The following PDE4D variants were observed in gnomAD, a reference collection of about 807,000 sequenced individuals.
PDE4D encodes 3',5'-cyclic-AMP phosphodiesterase 4D.
PDE4D carries 24 observed loss-of-function variants against 87.4 expected under a neutral mutation model. The observed-to-expected ratio is 0.27, with a 90% CI of 0.20 to 0.39. The LOEUF (loss-of-function observed/expected upper bound fraction) is 0.39. Among genes scored for constraint, PDE4D ranks in the 10% least tolerant of loss-of-function variants. PDE4D has a pLI of 1.00. For missense variants in PDE4D, 714 were observed against 1,041.0 expected, an observed-to-expected ratio of 0.69 and a Z score of 4.32; for synonymous variants, 384 against 383.2, an observed-to-expected ratio of 1.00 and a Z score of -0.02.
At position 59,220,377 on chromosome 5, in the gene PDE4D, C is replaced by CAAAAAAAAA. The variant is rs57610513; in HGVS notation, c.456-4418_456-4410dup. Among the ~76,000 whole-genome samples the CAAAAAAAAA allele has an allele frequency of 3.0e-4, 11 of 36,154 alleles. No individual in the cohort carries two copies. In the East Asian group the frequency reaches 7.3e-3, roughly 24 times the overall value. The allele number at this position is 36,154 out of a possible 152,430, so 23.7% of individuals were successfully genotyped here. A position where few individuals can be genotyped will look rare whatever the true frequency, so the allele number is the denominator to read the frequency against. Reference sequence around the variant, plus strand: ...TAGGCGACAGAGCATGACTCTGTCTCAAAAAAAAAAAAAAAAAAAAAAAAA... The same window carrying CAAAAAAAAA: ...TAGGCGACAGAGCATGACTCTGTCTCAAAAAAAAAAAAAAAAAAAAAAAAAAAAAAAAAA... On this transcript the variant is annotated intron_variant, in intron 1 of 14. Coordinates refer to ENST00000340635, the MANE Select transcript of PDE4D (RefSeq NM_001104631.2).
chr5:59,671,096 T>A (rs982667301), intron 1 of PDE4D, among the ~76,000 whole-genome samples: 1 of 152,244 alleles, frequency 6.6e-6, no homozygotes, highest in Non-Finnish European at 1.5e-5. Flanking sequence ...TTATTTAGCC[T>A]GGCAACTGCA....
At chr5:59,172,001 TAATA>T (rs1313370706) in intron 5 of PDE4D, among the ~76,000 whole-genome samples, 2 of 72,836 alleles carry the variant, frequency 2.7e-5, no homozygotes, top group South Asian at 3.8e-4. Context: ...ATTATATATA[TAATA>T]AATATATATT....
intron 1 of PDE4D, among the ~76,000 whole-genome samples, chr5:59,371,716 A>T (rs141484539): frequency 1.3e-5 from 2 of 152,218 alleles, no homozygotes; most frequent in Non-Finnish European, 2.9e-5. Context: ...TTAGAAAAAG[A>T]TAAGTTTCGG....
At chr5:60,401,471 G>T (rs1741078701) in intron 1 of PDE4D, among the ~76,000 whole-genome samples, 1 of 152,202 alleles carries the variant, frequency 6.6e-6, no homozygotes, top group South Asian at 2.1e-4. Context: ...TCTCTGGAGT[G>T]TGCACACCCT....
intron 6 of PDE4D, among the ~76,000 whole-genome samples, chr5:59,015,142 A>G (rs974477445): frequency 6.6e-6 from 1 of 152,364 alleles, no homozygotes. Context: ...TTAAAGACTT[A>G]CATGTTAGTC....
intron 1 of PDE4D, among the ~76,000 whole-genome samples, chr5:59,719,131 C>T (rs139606086): frequency 3.3e-5 from 5 of 151,972 alleles, no homozygotes; most frequent in African/African-American, 1.2e-4. Flanking sequence ...AAATGAATTT[C>T]TACCCCAAAA....
At chr5:59,815,504 C>G (rs145029900) in intron 1 of PDE4D, among the ~76,000 whole-genome samples, 1 of 152,172 alleles carries the variant, frequency 6.6e-6, no homozygotes, top group African/African-American at 2.4e-5. Flanking sequence ...TACTTAACTT[C>G]GCTCTTCCTC....
rs772296200 is a variant in PDE4D, at chr5:58,977,193, T to C, written c.1705A>G (p.Ile569Val). The change falls in exon 12 of 15, where the codon ATC becomes GTC. Residue 569 changes from isoleucine to valine, a missense_variant and splice_region_variant. Ile to Val is a conservative substitution (Grantham distance 29, BLOSUM62 3). This residue lies in a region of PDE4D where 26 missense variants were observed against 96.9 expected (regional missense o/e 0.27). Coordinates refer to ENST00000340635, the MANE Select transcript of PDE4D (RefSeq NM_001104631.2). ...RQSLRKMVIDIVLATDMSKHM... is the reference protein window; with the variant it reads ...RQSLRKMVIDVVLATDMSKHM... ...TTTGGCTTTTATCAGCTACTTACGATGTCAATGACCATTTTCCTTAAAGAT... is the reference window on the plus strand; with the variant it reads ...TTTGGCTTTTATCAGCTACTTACGACGTCAATGACCATTTTCCTTAAAGAT... 18 of 1,606,210 alleles carry C rather than the reference T, an allele frequency of 1.1e-5. No homozygotes were observed. The highest frequency in any genetic ancestry group is 2.2e-5 in the South Asian group (2 of 89,820).
At chr5:60,136,587 A>G (rs971347413) in intron 2 of PDE4D, among the ~76,000 whole-genome samples, 1 of 152,010 alleles carries the variant, frequency 6.6e-6, no homozygotes, top group Non-Finnish European at 1.5e-5. Flanking sequence ...AGTGCTGGGT[A>G]TCATGTTATT....
intron 1 of PDE4D, among the ~76,000 whole-genome samples, chr5:60,286,728 G>A (rs1031681382): frequency 2.2e-4 from 34 of 152,244 alleles, no homozygotes; most frequent in African/African-American, 5.8e-4. Flanking sequence ...AGAAGCCTCC[G>A]AAACAATCTC....
chr5:60,180,543 A>C (rs1425698948), intron 2 of PDE4D, among the ~76,000 whole-genome samples: 2 of 152,144 alleles, frequency 1.3e-5, no homozygotes, highest in African/African-American at 4.8e-5. Context: ...AGGGTGGTGA[A>C]ATAATTTTAA....
intron 1 of PDE4D, among the ~76,000 whole-genome samples, chr5:60,475,637 T>C (rs983600122): frequency 2.0e-5 from 3 of 152,086 alleles, no homozygotes; most frequent in African/African-American, 7.2e-5. Context: ...TTAGCAAGTA[T>C]TGATTAATGT....
chr5:59,959,536 G>A (rs780315642), intron 3 of PDE4D, among the ~76,000 whole-genome samples: 9 of 152,060 alleles, frequency 5.9e-5, no homozygotes, highest in Admixed American at 1.3e-4. Context: ...AAACAGAATA[G>A]AGAACCCCAA....
chr5:60,440,448 G>C (rs922268994), intron 1 of PDE4D, among the ~76,000 whole-genome samples: 4 of 152,068 alleles, frequency 2.6e-5, no homozygotes, highest in Non-Finnish European at 5.9e-5. Context: ...AAGTAAACAG[G>C]AAAAGTATAA....
intron 1 of PDE4D, among the ~76,000 whole-genome samples, chr5:59,255,723 G>A (rs1760855571): frequency 6.6e-6 from 1 of 151,984 alleles, no homozygotes; most frequent in Non-Finnish European, 1.5e-5. Context: ...GTTTAAAAAG[G>A]GAGGAAGAGA....
chr5:59,552,501 T>C (rs1304721704), intron 1 of PDE4D, among the ~76,000 whole-genome samples: 1 of 152,208 alleles, frequency 6.6e-6, no homozygotes, highest in East Asian at 1.9e-4. Context: ...CATACAAATA[T>C]TATGTTACGT....
At chr5:59,560,763 A>T (rs972509486) in intron 1 of PDE4D, 2 of 152,226 alleles carry the variant, frequency 1.3e-5, no homozygotes, top group African/African-American at 2.4e-5. Flanking sequence ...AGCAGGAAAC[A>T]GGCAACAATA....
At chr5:59,541,285 T>C (rs1260662686) in intron 1 of PDE4D, among the ~76,000 whole-genome samples, 1 of 152,216 alleles carries the variant, frequency 6.6e-6, no homozygotes, top group African/African-American at 2.4e-5. Flanking sequence ...AACCAAAATG[T>C]ATAAAGTGTA....
At chr5:59,298,166 G>C (rs915744813) in intron 1 of PDE4D, among the ~76,000 whole-genome samples, 1 of 147,436 alleles carries the variant, frequency 6.8e-6, no homozygotes, top group Non-Finnish European at 1.5e-5. Flanking sequence ...GTCTAGGTTG[G>C]AGTGCAGTGG....
Sources: gnomAD v4.1 joint callset for allele counts (sites outside exome capture counted in the v4.1 genomes callset) on GRCh38, gnomAD v4.1.1 for gene constraint, gnomAD v4.1.1 regional missense constraint, MANE v1.5 for transcripts, NCBI Gene and HGNC (gene_info 2026-07-23, HGNC 2026-07-21) for gene names.